NBPF15: variants seen among roughly 807,000 people sequenced by gnomAD.
NBPF15 encodes the protein NBPF member 15, also known as NBPF family member NBPF15.
A neutral mutation model predicts 62.2 loss-of-function variants in NBPF15; 74 were observed. That is an observed-to-expected ratio of 1.19 (90% CI 0.99 to 1.44). The LOEUF (loss-of-function observed/expected upper bound fraction) is 1.44, where lower values mean the gene tolerates loss of function less well. NBPF15 is among the 40% of genes most tolerant of loss of function. The probability of loss-of-function intolerance (pLI) is 0.00; values close to 1 mark genes in which losing one functional copy is unlikely to be tolerated. For missense variants in NBPF15, 790 were observed against 550.0 expected (o/e 1.44, Z -4.36); for synonymous variants, 244 against 209.7 (o/e 1.16, Z -1.41).
intron 14 of NBPF15, among the ~76,000 whole-genome samples, chr1:144,429,378 G>C (rs1672513993): frequency 6.6e-6 from 1 of 151,316 alleles, no homozygotes. Context: ...ATTCAGATGA[G>C]CTGAGCTGAC....
chr1:144,431,556 A>G (rs1674340179), intron 13 of NBPF15, among the ~76,000 whole-genome samples: 1 of 148,998 alleles, frequency 6.7e-6, no homozygotes, highest in Non-Finnish European at 1.5e-5. Context: ...GGTTAGTTAC[A>G]TATGTATACA....
At chr1:144,458,826 G>A (rs1192780647) in intron 3 of NBPF15, among the ~76,000 whole-genome samples, 2 of 151,882 alleles carry the variant, frequency 1.3e-5, no homozygotes, top group Non-Finnish European at 2.9e-5. Flanking sequence ...GATTACTTGA[G>A]CCCAAGAGTT....
chr1:144,426,561 A>C (rs1553539305), intron 17 of NBPF15, 111 bp from the exon 18 acceptor site: 1 of 728,214 alleles, frequency 1.4e-6, no homozygotes, highest in Non-Finnish European at 2.6e-6. Flanking sequence ...AAAAGGACGG[A>C]TCCATTAATG....
chr1:144,458,101 A>T (rs1289973389), intron 3 of NBPF15, among the ~76,000 whole-genome samples: 1 of 151,934 alleles, frequency 6.6e-6, no homozygotes, highest in African/African-American at 2.4e-5. Context: ...AAAAAAAAAA[A>T]AATTGTTCGA....
In NBPF15 at chr1:144,423,228, C is replaced by A. The variant is rs1553538594; in HGVS notation, c.1798G>T (p.Glu600Ter). The A allele has an allele frequency of 6.2e-7, 1 of 1,611,588 alleles. No homozygotes were observed. Among genetic ancestry groups the A allele is most frequent in the Non-Finnish European group, 8.5e-7 (1 of 1,179,610 alleles). Residue 600 changes from glutamate to a stop codon, truncating the protein, a stop_gained, in exon 22 of 22, where the codon GAG (glutamate) becomes TAG (stop). Transcript: ENST00000581897. LOFTEE classifies it high-confidence loss of function. Reference protein sequence around the residue: ...RLYGVLMEVEEPEVLQDSLDR... With the variant: ...RLYGVLMEVE ...AGTGAGTCCTGTAAGACTTCAGGCTCTTCCACTTCCATCAGCACGCCGTAG... is the reference window on the plus strand; with the variant it reads ...AGTGAGTCCTGTAAGACTTCAGGCTATTCCACTTCCATCAGCACGCCGTAG...
rs1164419892 is a variant in NBPF15, at chr1:144,429,480, C to T, written c.988+220G>A. On this transcript the variant is annotated intron_variant, in intron 14 of 21. Transcript: ENST00000581897. ...TCGTGACAGTCAGTCCAGGTTGGCA[C>T]GGGCATGGCCTGAGACTAGGAAGAG... 3.1e-4 allele frequency among the ~76,000 whole-genome samples: 46 copies of T among 150,550 alleles called. 1 individual carries two copies. Among genetic ancestry groups the T allele is most frequent in the African/African-American group, 1.0e-3 (42 of 40,468 alleles).
chr1:144,424,661 C>T (rs61812433), intron 20 of NBPF15, 29 bp downstream of exon 20: 1 of 638,872 alleles, frequency 1.6e-6, no homozygotes, highest in East Asian at 2.6e-5. Context: ...CTCAGTGGAT[C>T]CTTATCACCT....
chr1:144,432,961 G>T (rs1306205170), intron 13 of NBPF15, among the ~76,000 whole-genome samples: 1 of 151,614 alleles, frequency 6.6e-6, no homozygotes, highest in Non-Finnish European at 1.5e-5. Context: ...AGACCTAAAA[G>T]ACATCTACAG....
chr1:144,436,786 C>T, intron 10 of NBPF15, 109 bp downstream of exon 10: 2 of 1,451,010 alleles, frequency 1.4e-6, no homozygotes, highest in South Asian at 2.3e-5. Flanking sequence ...GCCACATAAG[C>T]TTAGTGGAAA....
Position 144,448,041 on chromosome 1 carries a change from C to T in NBPF15, c.-191+734G>A, listed in dbSNP as rs1352894783. Among the ~76,000 whole-genome samples the T allele has an allele frequency of 7.0e-4, 106 of 152,188 alleles. 1 individual carries two copies. Among genetic ancestry groups the T allele is most frequent in the African/African-American group, 2.0e-3 (83 of 41,524 alleles). The stretch of plus-strand genomic sequence containing the variant: ...TTAGCCATGCTTTGCTTCTGCAAGA[C>T]GCTTCTTCACCTTTTCAATAAACCT... On this transcript the variant is annotated intron_variant, in intron 6 of 21. Transcript: ENST00000581897.
At chr1:144,456,002 C>T (rs587744243) in intron 4 of NBPF15, among the ~76,000 whole-genome samples, 1 of 152,004 alleles carries the variant, frequency 6.6e-6, no homozygotes, top group Admixed American at 6.6e-5. Flanking sequence ...CAAAAGTGGC[C>T]TCTCTTTTAA....
rs1442532499 is a variant in NBPF15, at chr1:144,443,927, G to A, written c.-190-3632C>T. On this transcript the variant is annotated intron_variant, in intron 6 of 21. Transcript: ENST00000581897. The stretch of plus-strand genomic sequence containing the variant: ...CAGTTCATCAGCCTTTCAACCCTCA[G>A]CCCCAAGGAGCCACTGTCACTTCAG... Among the ~76,000 whole-genome samples, 56 of 150,756 alleles carry A rather than the reference G, an allele frequency of 3.7e-4. No homozygotes were observed. The East Asian group carries it at 0.011, about 29-fold the overall frequency.
chr1:144,426,818 T>A (rs1313497491), intron 17 of NBPF15, among the ~76,000 whole-genome samples: 3 of 150,664 alleles, frequency 2.0e-5, no homozygotes, highest in African/African-American at 7.4e-5. Context: ...TTCCATGCAG[T>A]TGCCATACAG....
chr1:144,432,562 C>A (rs1433170031), intron 13 of NBPF15, among the ~76,000 whole-genome samples: 1 of 151,630 alleles, frequency 6.6e-6, no homozygotes, highest in Non-Finnish European at 1.5e-5. Context: ...CTCAGGAAAC[C>A]CATCTCACAT....
chr1:144,453,638 C>CAAAAAAAAAAAAAAAAAAAAA (rs200525708), intron 4 of NBPF15, among the ~76,000 whole-genome samples: 1 of 36,400 alleles, frequency 2.7e-5, no homozygotes, highest in Non-Finnish European at 7.0e-5. Flanking sequence ...CAACACAAAG[C>CAAAAAAAAAAAAAAAAAAAAA]AAAAAAAAAA....
intron 6 of NBPF15, among the ~76,000 whole-genome samples, chr1:144,443,273 T>C (rs1684922355): frequency 6.6e-6 from 1 of 152,030 alleles, no homozygotes; most frequent in Non-Finnish European, 1.5e-5. Flanking sequence ...TGTACATATG[T>C]GGGCATATTG....
chr1:144,423,942 C>G lies in NBPF15; in HGVS notation c.1697G>C (p.Arg566Thr). ...TCTTTTCTTCTTTGATCTTCTTCCCCTTCTTTTCTTCCCCTTCCCCTTCTT... is the reference window on the plus strand; with the variant it reads ...TCTTTTCTTCTTTGATCTTCTTCCCGTTCTTTTCTTCCCCTTCCCCTTCTT... ...IEKKGKGKKR[R>T]GRRSKKKRRR... is the part of the protein sequence containing the mutation. The change falls in exon 21 of 22, where the codon AGG becomes ACG. Residue 566 changes from arginine (R) to threonine (T), a missense_variant. Coordinates refer to ENST00000581897, the MANE Select transcript of NBPF15 (RefSeq NM_001385408.1). The G allele has an allele frequency of 2.6e-6, 2 of 780,882 alleles. No individual in the cohort carries two copies. Among genetic ancestry groups the G allele is most frequent in the South Asian group, 1.3e-5 (1 of 74,792 alleles). The allele number at this position is 780,882 out of a possible 1,614,324, so 48.4% of individuals were successfully genotyped here.
In NBPF15 at chr1:144,455,415, T is replaced by C; in HGVS notation, c.-432+1122A>G. ...GTTATTGGAGACAGATGCACTACTG[T>C]AAAACTATATGCTGTTTCCACGGGG... On this transcript the variant is annotated intron_variant, in intron 4 of 21. Coordinates refer to ENST00000581897, the MANE Select transcript of NBPF15 (RefSeq NM_001385408.1). 1.3e-5 allele frequency among the ~76,000 whole-genome samples: 2 copies of C among 152,028 alleles called. 1 individual carries two copies. Among genetic ancestry groups the C allele is most frequent in the East Asian group, 3.9e-4 (2 of 5,182 alleles).
intron 6 of NBPF15, chr1:144,440,632 G>A (rs1418300597): frequency 4.3e-5 from 7 of 164,646 alleles, no homozygotes; most frequent in Admixed American, 1.2e-4. Flanking sequence ...CATTTAGTAT[G>A]TTCTCTTGTT....
Sources: allele counts gnomAD v4.1 joint callset (sites outside exome capture counted in the v4.1 genomes callset), GRCh38; gene constraint gnomAD v4.1.1; transcripts MANE v1.5; gene names NCBI Gene and HGNC (gene_info 2026-07-23, HGNC 2026-07-21).